RAMP3: variants seen among roughly 807,000 people sequenced by gnomAD.
RAMP3 encodes the protein receptor activity modifying protein 3.
RAMP3 carries 14 observed loss-of-function variants against 13.5 expected under a neutral mutation model. The ratio of observed to expected loss-of-function variants is 1.04; its 90% CI spans 0.69 to 1.63. RAMP3 has a LOEUF of 1.63. RAMP3 is among the 40% of genes most tolerant of loss of function. The pLI, the probability that RAMP3 is intolerant of heterozygous loss-of-function variation, is 0.00. For synonymous variants in RAMP3, 106 were observed against 88.3 expected (o/e 1.20, Z -1.12); for missense variants, 200 against 204.8 (o/e 0.98, Z 0.14).
Position 45,183,470 on chromosome 7 carries a change from GA to G in RAMP3, c.*59del, listed in dbSNP as rs1200376860. 1 of 1,592,426 alleles carries G rather than the reference GA, an allele frequency of 6.3e-7. No individual in the cohort carries two copies. The highest frequency in any genetic ancestry group is 1.3e-5 in the African/African-American group (1 of 74,770). ...GCAAGCTGGAAGAAAGTTCCCTGGGGATGGGAGAGCGGGTGGGTGCTGCCAA... is the reference window on the plus strand; with the variant it reads ...GCAAGCTGGAAGAAAGTTCCCTGGGGTGGGAGAGCGGGTGGGTGCTGCCAA... On this transcript the variant is annotated 3_prime_UTR_variant, in exon 3 of 3. Transcript: ENST00000242249.
At chr7:45,166,418 T>C in intron 1 of RAMP3, among the ~76,000 whole-genome samples, 1 of 152,222 alleles carries the variant, frequency 6.6e-6, no homozygotes, top group Non-Finnish European at 1.5e-5. Context: ...GTTAATGATG[T>C]TGATTGTCTT....
chr7:45,173,103 C>T (rs1288432489), intron 1 of RAMP3, among the ~76,000 whole-genome samples: 1 of 152,190 alleles, frequency 6.6e-6, no homozygotes, highest in Non-Finnish European at 1.5e-5. Context: ...TGGGAAGATG[C>T]CTCCAGGGCA....
chr7:45,168,887 G>T (rs1215687074), intron 1 of RAMP3, among the ~76,000 whole-genome samples: 3 of 152,044 alleles, frequency 2.0e-5, no homozygotes, highest in Non-Finnish European at 2.9e-5. Flanking sequence ...TTCATCATTG[G>T]TTATGTTAAC....
rs988783445 is a variant in RAMP3 at position 45,177,309 on chromosome 7, G to A, written c.59G>A (p.Gly20Asp). 6.2e-7 allele frequency: 1 copy of A among 1,614,120 alleles called. No individual in the cohort carries two copies. Among genetic ancestry groups the A allele is most frequent in the South Asian group, 1.1e-5 (1 of 91,082 alleles). The stretch of plus-strand genomic sequence containing the variant: ...ATTCTTATGGCTGTCCCCTCTCCAG[G>A]TGGGTGTCCCAGAGCAGGCGGCTGC... ...QLLPLLLLLC[G>D]GCPRAGGCNE... The change falls in exon 2 of 3, where the codon GGT becomes GAT. Residue 20 changes from glycine to aspartate, a missense_variant and splice_region_variant. Gly to Asp is a moderately conservative substitution (Grantham distance 94). Coordinates refer to ENST00000242249, the MANE Select transcript of RAMP3 (RefSeq NM_005856.3).
At chr7:45,159,816 C>A (rs1012057928) in intron 1 of RAMP3, among the ~76,000 whole-genome samples, 1 of 152,178 alleles carries the variant, frequency 6.6e-6, no homozygotes, top group Admixed American at 6.5e-5. Context: ...GGGAAGGCAC[C>A]CACCAGTGAC....
In RAMP3 at chr7:45,166,408, G is replaced by T. The variant is rs377311486; in HGVS notation, c.58+8522G>T. Among the ~76,000 whole-genome samples the T allele has an allele frequency of 9.2e-5, 14 of 152,242 alleles. No homozygotes were observed. In the East Asian group the frequency reaches 2.3e-3, roughly 25 times the overall value. On this transcript the variant is annotated intron_variant, in intron 1 of 2. Coordinates refer to ENST00000242249, the MANE Select transcript of RAMP3 (RefSeq NM_005856.3). ...TGGTTTGATTTGCATTTCCCTGATG[G>T]TTAATGATGTTGATTGTCTTTCATG...
At chr7:45,168,708 G>A (rs1381822851) in intron 1 of RAMP3, among the ~76,000 whole-genome samples, 3 of 152,212 alleles carry the variant, frequency 2.0e-5, no homozygotes, top group East Asian at 1.9e-4. Flanking sequence ...GTATAAAATC[G>A]TGTCATCTGT....
At chr7:45,171,411 C>T (rs766399396) in intron 1 of RAMP3, among the ~76,000 whole-genome samples, 23 of 152,166 alleles carry the variant, frequency 1.5e-4, no homozygotes, top group Non-Finnish European at 1.9e-4. Flanking sequence ...CCACCTTGGC[C>T]TCTGAAAGTT....
intron 2 of RAMP3, among the ~76,000 whole-genome samples, chr7:45,177,994 G>A (rs896926539): frequency 1.3e-5 from 2 of 151,312 alleles, no homozygotes; most frequent in Non-Finnish European, 3.0e-5. Context: ...TCCAGTTTGC[G>A]GGTGGCCTGG....
intron 1 of RAMP3, among the ~76,000 whole-genome samples, chr7:45,170,052 T>C (rs1786048911): frequency 6.6e-6 from 1 of 152,196 alleles, no homozygotes; most frequent in African/African-American, 2.4e-5. Context: ...GATATAGTGA[T>C]ATCTCCTCTT....
chr7:45,171,587 C>T (rs764899625), intron 1 of RAMP3, among the ~76,000 whole-genome samples: 31 of 151,766 alleles, frequency 2.0e-4, no homozygotes, highest in African/African-American at 6.3e-4. Flanking sequence ...TTATTTTAGT[C>T]TAATAAAAAA....
intron 1 of RAMP3, among the ~76,000 whole-genome samples, chr7:45,160,996 A>T (rs559939025): frequency 3.9e-5 from 6 of 152,280 alleles, no homozygotes; most frequent in Non-Finnish European, 8.8e-5. Flanking sequence ...TTGGTTTCTC[A>T]GGGTGCCTGC....
chr7:45,161,829 G>C (rs1391195661), intron 1 of RAMP3, among the ~76,000 whole-genome samples: 3 of 152,154 alleles, frequency 2.0e-5, no homozygotes, highest in African/African-American at 7.2e-5. Context: ...AGGTGGACCA[G>C]GCTGCAGGTG....
intron 1 of RAMP3, among the ~76,000 whole-genome samples, chr7:45,167,735 C>T (rs1041365007): frequency 2.0e-5 from 3 of 151,882 alleles, no homozygotes; most frequent in African/African-American, 4.8e-5. Context: ...TACAGGCATG[C>T]GCCACCACGC....
At chr7:45,160,148 T>C (rs1481926922) in intron 1 of RAMP3, among the ~76,000 whole-genome samples, 1 of 151,276 alleles carries the variant, frequency 6.6e-6, no homozygotes, top group Non-Finnish European at 1.5e-5. Flanking sequence ...CTGGCCAACA[T>C]GGTGAAACTC....
rs774892583 is a variant in RAMP3 at position 45,183,358 on chromosome 7, C to T, written c.393C>T (p.Val131=). Residue 131 remains valine (V), a synonymous_variant, in exon 3 of 3, where the codon GTC becomes GTT. Coordinates refer to ENST00000242249, the MANE Select transcript of RAMP3 (RefSeq NM_005856.3). ...TCGTTATACCCGTCGTTCTGACTGT[C>T]GCCATGGCTGGCCTGGTGGTGTGGC... ...PLIVIPVVLT[V]AMAGLVVWRS... 155 of 1,613,728 alleles carry T rather than the reference C, an allele frequency of 9.6e-5. 3 individuals carry two copies. In the South Asian group the frequency reaches 1.4e-3, roughly 15 times the overall value.
At chr7:45,163,522 G>A in intron 1 of RAMP3, 1 of 985,380 alleles carries the variant, frequency 1.0e-6, no homozygotes, top group Non-Finnish European at 1.2e-6. Context: ...GGTGCTGCCA[G>A]CAGCCAGAGG....
chr7:45,183,549 C>T lies in RAMP3; in HGVS notation c.*137C>T. The T allele has an allele frequency of 7.9e-7, 1 of 1,258,948 alleles. No homozygotes were observed. The highest frequency in any genetic ancestry group is 1.1e-6 in the Non-Finnish European group (1 of 902,476). The allele number at this position is 1,258,948 out of a possible 1,614,324, so 78.0% of individuals were successfully genotyped here. A position where few individuals can be genotyped will look rare whatever the true frequency, so the allele number is the denominator to read the frequency against. On this transcript the variant is annotated 3_prime_UTR_variant, in exon 3 of 3. Transcript: ENST00000242249. ...CTGGTCATGGGCAGACCCCTCCCTT[C>T]CTGGGCTGACCTGCTCCCTCGAGGC... is the stretch of plus-strand genomic sequence containing the variant.
At chr7:45,166,065 T>C (rs35071434) in intron 1 of RAMP3, among the ~76,000 whole-genome samples, 39,984 of 152,132 alleles carry the variant, frequency 0.26, 6,396 homozygotes, top group African/African-American at 0.44. Flanking sequence ...TAACTCTACG[T>C]TTAACATTTT....
Sources: allele counts gnomAD v4.1 joint callset (sites outside exome capture counted in the v4.1 genomes callset), GRCh38; gene constraint gnomAD v4.1.1; transcripts MANE v1.5; gene names NCBI Gene and HGNC (gene_info 2026-07-23, HGNC 2026-07-21).